The following MCMDC2 variants were observed in gnomAD, a reference collection of about 807,000 sequenced individuals.
MCMDC2 encodes minichromosome maintenance domain containing 2, also known as minichromosome maintenance domain-containing protein 2.
In MCMDC2, 54 loss-of-function variants were observed where a neutral mutation model predicts 75.8. The observed-to-expected ratio is 0.71, with a 90% CI of 0.57 to 0.89. The LOEUF (loss-of-function observed/expected upper bound fraction) is 0.89, where lower values mean the gene tolerates loss of function less well. MCMDC2 is among the 40% of genes least tolerant of loss of function. The pLI is 0.00. For missense variants in MCMDC2, 656 were observed against 780.4 expected (o/e 0.84, Z 1.90); for synonymous variants, 249 against 274.6 (o/e 0.91, Z 0.92).
chr8:66,888,206 G>T (rs1159076052), intron 9 of MCMDC2, among the ~76,000 whole-genome samples: 1 of 152,110 alleles, frequency 6.6e-6, no homozygotes, highest in Admixed American at 6.6e-5. Context: ...TCAGCCTGCT[G>T]AGTAGCTGGG....
chr8:66,901,430 A>T, intron 13 of MCMDC2, 82 bp downstream of exon 13: 1 of 1,517,038 alleles, frequency 6.6e-7, no homozygotes, highest in Non-Finnish European at 8.8e-7. Context: ...TACCTATTTC[A>T]CTTGTTTCTC....
At chr8:66,874,648 A>G in intron 4 of MCMDC2, 62 bp downstream of exon 4, 1 of 1,357,036 alleles carries the variant, frequency 7.4e-7, no homozygotes, top group East Asian at 2.5e-5. Context: ...TTGTAAAAAA[A>G]TATTTTTATA....
chr8:66,889,586 T>C (rs887242203), intron 9 of MCMDC2, among the ~76,000 whole-genome samples: 1 of 151,954 alleles, frequency 6.6e-6, no homozygotes, highest in Non-Finnish European at 1.5e-5. Context: ...TAATTTGAGC[T>C]CAGGAGTTCA....
rs1459384443 is a variant in MCMDC2 at position 66,921,827 on chromosome 8, A to G, written c.*2658A>G. 1.3e-5 allele frequency: 2 copies of G among 152,248 alleles called. No individual in the cohort carries two copies. The highest frequency in any genetic ancestry group is 6.5e-5 in the Admixed American group (1 of 15,284). 9.4% of individuals were successfully genotyped at this position (152,248 alleles called of 1,614,324 possible). ...AATGTCTCCCCAGCTGTCAGCCTCA[A>G]TGAGAATCACCACCCATAAATAAGC... On this transcript the variant is annotated 3_prime_UTR_variant, in exon 15 of 15. Coordinates refer to ENST00000422365, the MANE Select transcript of MCMDC2 (RefSeq NM_173518.5).
In MCMDC2 at chr8:66,878,920, G is replaced by C; in HGVS notation, c.709+1G>C. ...CAATCACTTACAATTTTCCTAAGAG[G>C]TAAGTGAATTCTGTTTGAACTAAAA... On this transcript the variant is annotated splice_donor_variant, in intron 7 of 14. Transcript: ENST00000422365. LOFTEE classifies it high-confidence loss of function. The C allele has an allele frequency of 6.4e-7, 1 of 1,572,784 alleles. No homozygotes were observed. The highest frequency in any genetic ancestry group is 8.7e-7 in the Non-Finnish European group (1 of 1,147,020).
chr8:66,877,336 A>C lies in MCMDC2; in HGVS notation c.286-13A>C. 6.5e-7 allele frequency: 1 copy of C among 1,538,488 alleles called. No homozygotes were observed. Among genetic ancestry groups the C allele is most frequent in the African/African-American group, 1.4e-5 (1 of 71,936 alleles). ...TGCAATTTTCATTAATACCATTTTT[A>C]TGTTCTTATTAGATTAATATAGTGC... On this transcript the variant is annotated splice_polypyrimidine_tract_variant and intron_variant, in intron 4 of 14. Transcript: ENST00000422365.
chr8:66,881,004 C>A, intron 8 of MCMDC2, 30 bp downstream of exon 8: 1 of 1,389,228 alleles, frequency 7.2e-7, no homozygotes. Flanking sequence ...TATATATTAA[C>A]AAATATTTAA....
At chr8:66,917,388 G>A (rs1813363286) in intron 14 of MCMDC2, among the ~76,000 whole-genome samples, 2 of 152,186 alleles carry the variant, frequency 1.3e-5, no homozygotes, top group East Asian at 3.9e-4. Flanking sequence ...ACCTCCTCAT[G>A]GTCAATTTTT....
At chr8:66,889,806 G>A (rs573144071) in intron 9 of MCMDC2, among the ~76,000 whole-genome samples, 7 of 152,138 alleles carry the variant, frequency 4.6e-5, no homozygotes, top group South Asian at 2.1e-4. Context: ...CTGAGATCAC[G>A]CCACTGCACT....
At chr8:66,918,554 C>CT (rs551493711) in intron 14 of MCMDC2, among the ~76,000 whole-genome samples, 65 of 152,226 alleles carry the variant, frequency 4.3e-4, no homozygotes, top group African/African-American at 1.5e-3. Context: ...ATGTCTTTAT[C>CT]TTTGATCGTC....
rs929059311 is a variant in MCMDC2 at position 66,886,137 on chromosome 8, G to C, written c.1073+2143G>C. 3.7e-4 allele frequency among the ~76,000 whole-genome samples: 56 copies of C among 151,402 alleles called. 1 individual carries two copies. Among genetic ancestry groups the C allele is most frequent in the Non-Finnish European group, 1.3e-4 (9 of 67,876 alleles). ...TAAATACCTAGGAGAAGAATTGCTG[G>C]GTCATAAGGTATATGTATAACTTTT... is the stretch of plus-strand genomic sequence containing the variant. On this transcript the variant is annotated intron_variant, in intron 9 of 14. Transcript: ENST00000422365.
intron 13 of MCMDC2, among the ~76,000 whole-genome samples, chr8:66,902,560 G>A (rs1468336592): frequency 6.6e-6 from 1 of 151,084 alleles, no homozygotes; most frequent in Admixed American, 6.6e-5. Flanking sequence ...TTGGCGTTGT[G>A]GCACATGCCT....
In MCMDC2 at chr8:66,896,953, T is replaced by C; in HGVS notation, c.1620T>C (p.Phe540=). ...CTAGACAGTTCACAACTGAAGATTT[T>C]GAAAAGGTAAAGGTGGATAAAACGG... ...AASRQFTTED[F]EKLLAFAKNL... The change falls in exon 12 of 15, where the codon TTT becomes TTC. Residue 540 remains phenylalanine, a synonymous_variant. Coordinates refer to ENST00000422365, the MANE Select transcript of MCMDC2 (RefSeq NM_173518.5). 1 of 1,599,194 alleles carries C rather than the reference T, an allele frequency of 6.3e-7. No homozygotes were observed. Among genetic ancestry groups the C allele is most frequent in the Non-Finnish European group, 8.5e-7 (1 of 1,174,040 alleles).
intron 9 of MCMDC2, among the ~76,000 whole-genome samples, chr8:66,886,711 G>A (rs898476362): frequency 2.5e-4 from 38 of 151,690 alleles, no homozygotes; most frequent in Admixed American, 1.1e-3. Flanking sequence ...GGAGGTGGAG[G>A]TTGCAGTGAG....
chr8:66,924,883 G>C (rs1813672859), downstream of MCMDC2, among the ~76,000 whole-genome samples: 2 of 152,274 alleles, frequency 1.3e-5, no homozygotes, highest in East Asian at 1.9e-4. Context: ...CTCTACGAAT[G>C]GGTCGAGACT....
intron 14 of MCMDC2, among the ~76,000 whole-genome samples, chr8:66,913,072 C>G (rs1812853476): frequency 6.6e-6 from 1 of 152,066 alleles, no homozygotes; most frequent in South Asian, 2.1e-4. Flanking sequence ...CACAGCCATC[C>G]CAACCTTCAA....
chr8:66,905,220 T>G lies in MCMDC2; in HGVS notation c.1770-6T>G, dbSNP rs781075651. The G allele has an allele frequency of 1.4e-6, 2 of 1,412,864 alleles. No individual in the cohort carries two copies. Among genetic ancestry groups the G allele is most frequent in the Non-Finnish European group, 1.8e-6 (2 of 1,081,240 alleles). The allele number at this position is 1,412,864 out of a possible 1,614,324, so 87.5% of individuals were successfully genotyped here. A position where few individuals can be genotyped will look rare whatever the true frequency, so the allele number is the denominator to read the frequency against. On this transcript the variant is annotated splice_region_variant and splice_polypyrimidine_tract_variant and intron_variant, in intron 13 of 14. Transcript: ENST00000422365. ...TATTTTCTTTGGCAACTATTTTCTTTTTTAGCGTTTTCCTATCTGAAGCCC... is the reference window on the plus strand; with the variant it reads ...TATTTTCTTTGGCAACTATTTTCTTGTTTAGCGTTTTCCTATCTGAAGCCC...
Position 66,878,916 on chromosome 8 carries a change from A to C in MCMDC2, c.706A>C (p.Arg236=). 1 of 1,586,296 alleles carries C rather than the reference A, an allele frequency of 6.3e-7. No individual in the cohort carries two copies. The highest frequency in any genetic ancestry group is 8.6e-7 in the Non-Finnish European group (1 of 1,158,686). The stretch of plus-strand genomic sequence containing the variant: ...GTTTCAATCACTTACAATTTTCCTA[A>C]GAGGTAAGTGAATTCTGTTTGAACT... ...FRFQSLTIFL[R]DESVNKMNIG... Residue 236 remains arginine, a synonymous_variant, in exon 7 of 15, where the codon AGA becomes CGA. Transcript: ENST00000422365.
chr8:66,873,050 T>G (rs1431966767), intron 1 of MCMDC2, among the ~76,000 whole-genome samples: 2 of 152,114 alleles, frequency 1.3e-5, no homozygotes, highest in African/African-American at 4.8e-5. Flanking sequence ...AGCAACTTCT[T>G]GAAAGGCAGG....
Sources: allele counts gnomAD v4.1 joint callset (sites outside exome capture counted in the v4.1 genomes callset), GRCh38; gene constraint gnomAD v4.1.1; transcripts MANE v1.5; gene names NCBI Gene and HGNC (gene_info 2026-07-23, HGNC 2026-07-21).